The following CDH18 variants were observed in gnomAD, a reference collection of about 807,000 sequenced individuals.
CDH18 encodes cadherin 18, also known as cadherin-18.
CDH18 carries 31 observed loss-of-function variants against 67.9 expected under a neutral mutation model. The ratio of observed to expected loss-of-function variants is 0.46; its 90% confidence interval spans 0.34 to 0.62. The LOEUF is 0.62. CDH18 is among the 20% of genes least tolerant of loss of function. The probability of loss-of-function intolerance (pLI) is 0.01; values close to 1 mark genes in which losing one functional copy is unlikely to be tolerated. For synonymous variants in CDH18, 362 were observed against 347.2 expected (o/e 1.04, Z -0.48); for missense variants, 890 against 975.5 (o/e 0.91, Z 1.17).
At position 19,473,631 on chromosome 5, in the gene CDH18, G is replaced by A; in HGVS notation, c.1968C>T (p.Val656=). Residue 656 remains valine (V), a synonymous_variant, in exon 13 of 13, where the codon GTC becomes GTT. Transcript: ENST00000382275. ...ISEEDVRENV[V]TYDDEGGGEE... is the part of the protein sequence containing the mutation. ...CTCCGCCTCCTTCATCATCATAGGT[G>A]ACCACGTTCTCCCGTACATCCTCTT... 6.2e-7 allele frequency: 1 copy of A among 1,613,768 alleles called. No individual in the cohort carries two copies. The highest frequency in any genetic ancestry group is 8.5e-7 in the Non-Finnish European group (1 of 1,179,806).
At chr5:20,215,430 CAAAA>C (rs1271813065) in intron 2 of CDH18, among the ~76,000 whole-genome samples, 37 of 137,160 alleles carry the variant, frequency 2.7e-4, no homozygotes, top group Non-Finnish European at 5.4e-4. Context: ...CTCTTCCATC[CAAAA>C]AATAAATAAA....
intron 1 of CDH18, among the ~76,000 whole-genome samples, chr5:20,341,669 C>G (rs75830573): frequency 6.6e-6 from 1 of 151,852 alleles, no homozygotes; most frequent in South Asian, 2.1e-4. Context: ...TTCTGGATAA[C>G]AGAATATTAA....
At chr5:20,156,953 CA>C (rs535591119) in intron 2 of CDH18, among the ~76,000 whole-genome samples, 52 of 152,138 alleles carry the variant, frequency 3.4e-4, no homozygotes, top group Non-Finnish European at 5.9e-4. Context: ...GGATACATTT[CA>C]ATACCTCCAC....
At position 20,119,485 on chromosome 5, in the gene CDH18, T is replaced by C. The variant is rs115717885; in HGVS notation, c.-517-127471A>G. Among the ~76,000 whole-genome samples, 389 of 152,326 alleles carry C rather than the reference T, an allele frequency of 2.6e-3. 2 individuals are homozygous for C. Among genetic ancestry groups the C allele is most frequent in the African/African-American group, 9.1e-3 (378 of 41,578 alleles). ...GTGTATGTGTCCTTATCTGTCTTAT[T>C]TGAGTCTGGGCTCTTTCAAGGCTCC... On this transcript the variant is annotated intron_variant, in intron 2 of 14. Transcript: ENST00000507958.
chr5:19,994,527 C>T (rs535600380), intron 2 of CDH18, among the ~76,000 whole-genome samples: 17 of 149,848 alleles, frequency 1.1e-4, no homozygotes, highest in African/African-American at 4.2e-4. Context: ...GAAAAGGCTA[C>T]TGAAATTGAA....
At chr5:20,309,542 AATAC>A (rs1165683429) in intron 1 of CDH18, among the ~76,000 whole-genome samples, 1 of 152,230 alleles carries the variant, frequency 6.6e-6, no homozygotes, top group Non-Finnish European at 1.5e-5. Flanking sequence ...GATCCTTGGA[AATAC>A]ATTTTTTCCT....
chr5:19,863,554 C>T (rs1038478801), intron 2 of CDH18, among the ~76,000 whole-genome samples: 1 of 152,174 alleles, frequency 6.6e-6, no homozygotes, highest in African/African-American at 2.4e-5. Context: ...ATCCTCCTCC[C>T]CATGACACCG....
chr5:19,556,408 A>G (rs374178069), intron 8 of CDH18, among the ~76,000 whole-genome samples: 2 of 152,180 alleles, frequency 1.3e-5, no homozygotes, highest in African/African-American at 4.8e-5. Flanking sequence ...ATCTCCAGTG[A>G]ATAGACGGCA....
At chr5:19,954,360 C>A (rs958185700) in intron 2 of CDH18, among the ~76,000 whole-genome samples, 1 of 151,722 alleles carries the variant, frequency 6.6e-6, no homozygotes, top group South Asian at 2.1e-4. Flanking sequence ...AGAGAAGCAA[C>A]GGTTAAAATT....
At chr5:20,402,257 A>T (rs996095962) in intron 1 of CDH18, among the ~76,000 whole-genome samples, 3 of 152,122 alleles carry the variant, frequency 2.0e-5, no homozygotes, top group Admixed American at 1.3e-4. Flanking sequence ...AATGTCTCTC[A>T]ATCTGAGATG....
Position 20,545,575 on chromosome 5 carries a change from T to G in CDH18, c.-580+29887A>C, listed in dbSNP as rs141795342. On this transcript the variant is annotated intron_variant, in intron 1 of 14. Transcript: ENST00000507958. ...TTGGGTCTGAAGCCATAGACCAAGA[T>G]ATACGTTGGCACCCTTTAGCCACTG... Among the ~76,000 whole-genome samples the G allele has an allele frequency of 1.9e-3, 294 of 152,286 alleles. 1 individual carries two copies. Among genetic ancestry groups the G allele is most frequent in the African/African-American group, 6.7e-3 (279 of 41,576 alleles).
At chr5:19,597,938 A>G (rs553785894) in intron 6 of CDH18, among the ~76,000 whole-genome samples, 340 of 152,254 alleles carry the variant, frequency 2.2e-3, no homozygotes, top group African/African-American at 7.9e-3. Flanking sequence ...AAGATGTCGC[A>G]TATAGTTCTA....
At chr5:20,200,466 G>C (rs568540301) in intron 2 of CDH18, among the ~76,000 whole-genome samples, 19 of 152,246 alleles carry the variant, frequency 1.2e-4, no homozygotes, top group Middle Eastern at 6.8e-3. Flanking sequence ...TTGAGCTCAG[G>C]AGTTCAAGAC....
intron 1 of CDH18, among the ~76,000 whole-genome samples, chr5:20,497,338 A>T (rs1163285202): frequency 6.6e-6 from 1 of 152,212 alleles, no homozygotes; most frequent in African/African-American, 2.4e-5. Flanking sequence ...TCAACAACTA[A>T]CAATGTGTGT....
chr5:19,945,343 T>G (rs1795191740), intron 2 of CDH18, among the ~76,000 whole-genome samples: 1 of 152,110 alleles, frequency 6.6e-6, no homozygotes, highest in South Asian at 2.1e-4. Context: ...ACATTGAAAT[T>G]CTAGCACACA....
At chr5:20,346,159 G>A (rs1383408966) in intron 1 of CDH18, among the ~76,000 whole-genome samples, 1 of 152,164 alleles carries the variant, frequency 6.6e-6, no homozygotes, top group Non-Finnish European at 1.5e-5. Context: ...CGATAAGAGA[G>A]GATTTCCCTA....
chr5:20,550,009 CTG>C (rs1274127729), intron 1 of CDH18, among the ~76,000 whole-genome samples: 1 of 152,082 alleles, frequency 6.6e-6, no homozygotes, highest in Non-Finnish European at 1.5e-5. Flanking sequence ...AATGCACAGA[CTG>C]TATTTCTATT....
intron 6 of CDH18, among the ~76,000 whole-genome samples, chr5:19,593,914 C>T (rs1745743998): frequency 1.3e-5 from 2 of 151,656 alleles, no homozygotes; most frequent in Admixed American, 1.3e-4. Flanking sequence ...GATATAGTCC[C>T]ATTTGTCTGT....
Position 19,667,955 on chromosome 5 carries a change from A to G in CDH18, c.643+53392T>C, listed in dbSNP as rs563779204. ...AGCCATGTGGCCTGCCCGATAAAAA[A>G]TAAGTTTAGACATATTTTCAGATAT... On this transcript the variant is annotated intron_variant, in intron 5 of 12. Coordinates refer to ENST00000382275, the MANE Select transcript of CDH18 (RefSeq NM_004934.5). 3.1e-3 allele frequency among the ~76,000 whole-genome samples: 478 copies of G among 152,134 alleles called. 2 individuals are homozygous for G. The highest frequency in any genetic ancestry group is 4.6e-3 in the Non-Finnish European group (312 of 67,882).
Sources: allele counts gnomAD v4.1 joint callset (sites outside exome capture counted in the v4.1 genomes callset), GRCh38; gene constraint gnomAD v4.1.1; transcripts MANE v1.5; gene names NCBI Gene and HGNC (gene_info 2026-07-23, HGNC 2026-07-21).